The following EFHB variants were observed in gnomAD, a reference collection of about 807,000 sequenced individuals.
The protein encoded by EFHB is EF-hand domain-containing family member B.
Under a neutral mutation model 87.2 loss-of-function variants are expected in EFHB, and 91 were observed. The observed-to-expected ratio is 1.04, with a 90% CI of 0.88 to 1.24. The LOEUF (loss-of-function observed/expected upper bound fraction) is 1.24, where lower values mean the gene tolerates loss of function less well. EFHB is among the 50% of genes most tolerant of loss of function. The pLI is 0.00. For synonymous variants in EFHB, 325 were observed against 333.6 expected (o/e 0.97, Z 0.28); for missense variants, 1,084 against 998.8 (o/e 1.09, Z -1.15).
In EFHB at chr3:19,940,191, C is replaced by T. The variant is rs530283060; in HGVS notation, c.-31-3857G>A. 3.3e-4 allele frequency: 52 copies of T among 156,122 alleles called. 1 individual carries two copies. The South Asian group carries it at 0.01, about 30-fold the overall frequency. The allele number at this position is 156,122 out of a possible 1,614,324, so 9.7% of individuals were successfully genotyped here. Reference sequence around the variant, plus strand: ...GATCAAAAAAGAAAAAAAACTGCCACAGAATTTGCTACATATTTGGGTCCT... The same window carrying T: ...GATCAAAAAAGAAAAAAAACTGCCATAGAATTTGCTACATATTTGGGTCCT... On this transcript the variant is annotated intron_variant, in intron 1 of 14. Coordinates refer to the EFHB transcript ENST00000344838.
At position 19,882,553 on chromosome 3, in the gene EFHB, T is replaced by G. The variant is rs771001144; in HGVS notation, c.2325A>C (p.Glu775Asp). The G allele has an allele frequency of 6.3e-7, 1 of 1,596,398 alleles. No individual in the cohort carries two copies. Among genetic ancestry groups the G allele is most frequent in the Non-Finnish European group, 8.6e-7 (1 of 1,169,424 alleles). ...TTTGTATGCTTATATGCTATACCTC[T>G]TCTTTTGATCTGGTCTTGAAGAAGT... is the stretch of plus-strand genomic sequence containing the variant. ...ERDFFKTRSK[E>D]EIAEILCNIG... The change falls in exon 12 of 13, where the codon GAA (glutamate) becomes GAC (aspartate). Residue 775 changes from glutamate (E) to aspartate (D), a missense_variant. By Grantham distance (45) the Glu-to-Asp change is conservative. Transcript: ENST00000295824.
At chr3:19,940,346 C>G (rs1696128371) in intron 1 of EFHB, 2 of 358,556 alleles carry the variant, frequency 5.6e-6, no homozygotes, top group Admixed American at 7.1e-5. Context: ...ATTCCTCCTG[C>G]ACTCTGCTAG....
upstream of EFHB, among the ~76,000 whole-genome samples, chr3:19,935,882 C>T (rs1439182645): frequency 6.6e-5 from 10 of 151,554 alleles, no homozygotes; most frequent in Middle Eastern, 0.01. Context: ...TGATGGCAGG[C>T]GCCTGTAGTC....
At chr3:19,923,237 A>G (rs1695499694) in intron 1 of EFHB, among the ~76,000 whole-genome samples, 2 of 151,890 alleles carry the variant, frequency 1.3e-5, no homozygotes, top group Admixed American at 1.3e-4. Context: ...ACTGCACTCC[A>G]GCCTGGGCAA....
Position 19,898,817 on chromosome 3 carries a change from C to A in EFHB, c.1531G>T (p.Asp511Tyr), listed in dbSNP as rs1694571019. The A allele has an allele frequency of 6.2e-7, 1 of 1,613,764 alleles. No individual in the cohort carries two copies. Among genetic ancestry groups the A allele is most frequent in the Middle Eastern group, 1.7e-4 (1 of 6,060 alleles). ...PIAETMNVPP[D>Y]CTFGACLRPE... ...CGGAGACAAGCTCCAAATGTGCAGT[C>A]TGGGGGAACATTCATTGTTTCTGCA... Residue 511 changes from aspartate to tyrosine, a missense_variant, in exon 8 of 13, where the codon GAC becomes TAC. Transcript: ENST00000295824.
upstream of EFHB, among the ~76,000 whole-genome samples, chr3:19,938,315 T>C (rs985247697): frequency 7.9e-5 from 12 of 152,240 alleles, no homozygotes; most frequent in African/African-American, 2.4e-4. Context: ...CTTAAGACGC[T>C]TGCATTTACT....
At chr3:19,935,038 G>A (rs1206276755), upstream of EFHB, among the ~76,000 whole-genome samples, 1 of 152,062 alleles carries the variant, frequency 6.6e-6, no homozygotes, top group Non-Finnish European at 1.5e-5. Context: ...AGCCTTCCGG[G>A]TAGCTGGGAT....
Position 19,908,601 on chromosome 3 carries a change from A to AG in EFHB, c.1289-2853_1289-2852insC, listed in dbSNP as rs1575020340. 6.8e-3 allele frequency among the ~76,000 whole-genome samples: 683 copies of AG among 100,258 alleles called. 7 individuals are homozygous for AG. The highest frequency in any genetic ancestry group is 0.019 in the Middle Eastern group (4 of 208). 65.8% of individuals were successfully genotyped at this position (100,258 alleles called of 152,430 possible). On this transcript the variant is annotated intron_variant, in intron 5 of 12. Transcript: ENST00000295824. ...GAGAGAGAGAGAGAGAGAGAGAGAG[A>AG]AAGAAAGAAAGAAAGAAAGAAAGAA...
At position 19,908,562 on chromosome 3, in the gene EFHB, AAGAGAGAGAGAGAGAGAGAG is replaced by A. The variant is rs71624361; in HGVS notation, c.1289-2833_1289-2814del. The stretch of plus-strand genomic sequence containing the variant: ...AAAGAAAGAAAGAGAGAAAGAGAGA[AAGAGAGAGAGAGAGAGAGAG>A]AGAGAGAGAGAGAGAGAGAAAGAAA... On this transcript the variant is annotated intron_variant, in intron 5 of 12. Transcript: ENST00000295824. Among the ~76,000 whole-genome samples the A allele has an allele frequency of 3.8e-3, 318 of 83,896 alleles. 2 individuals are homozygous for A. The highest frequency in any genetic ancestry group is 0.014 in the African/African-American group (287 of 20,594). The allele number at this position is 83,896 out of a possible 152,430, so 55.0% of individuals were successfully genotyped here.
intron 1 of EFHB, among the ~76,000 whole-genome samples, chr3:19,940,095 ACTT>A (rs1696122335): frequency 6.6e-6 from 1 of 152,182 alleles, no homozygotes; most frequent in Non-Finnish European, 1.5e-5. Flanking sequence ...CTTTCTATGT[ACTT>A]CTTTTTTTAT....
chr3:19,943,525 C>T (rs1421588825), intron 1 of EFHB, among the ~76,000 whole-genome samples: 1 of 151,480 alleles, frequency 6.6e-6, no homozygotes, highest in African/African-American at 2.4e-5. Flanking sequence ...TACAGTTAGC[C>T]CTCTGTATTC....
upstream of EFHB, chr3:19,936,116 T>C: frequency 7.1e-7 from 1 of 1,413,358 alleles, no homozygotes; most frequent in Non-Finnish European, 9.2e-7. Context: ...TAAAAGTGTG[T>C]AGGGGTCTGG....
chr3:19,893,677 AGAAATCTATTG>A (rs754813522), intron 9 of EFHB, among the ~76,000 whole-genome samples: 7 of 152,336 alleles, frequency 4.6e-5, no homozygotes, highest in Middle Eastern at 3.4e-3. Flanking sequence ...AACTTTACCA[AGAAATCTATTG>A]GAAACAGCAG....
chr3:19,879,771 G>A lies in EFHB; in HGVS notation c.2362C>T (p.Leu788=). ...AEILCNIGVK[L]SDEEFENVWN... Reference sequence around the variant, plus strand: ...ACATTTTCAAATTCTTCATCAGACAGTTTGACACCAATGTTACACAATATC... The same window carrying A: ...ACATTTTCAAATTCTTCATCAGACAATTTGACACCAATGTTACACAATATC... The change falls in exon 13 of 13, where the codon CTG becomes TTG. Residue 788 remains leucine (L), a synonymous_variant. Coordinates refer to ENST00000295824, the MANE Select transcript of EFHB (RefSeq NM_144715.4). 1 of 1,606,642 alleles carries A rather than the reference G, an allele frequency of 6.2e-7. No individual in the cohort carries two copies. Among genetic ancestry groups the A allele is most frequent in the South Asian group, 1.1e-5 (1 of 89,244 alleles).
intron 10 of EFHB, among the ~76,000 whole-genome samples, chr3:19,886,676 CAAAAAAAAAAAA>C (rs4020648): frequency 1.6e-5 from 1 of 61,230 alleles, no homozygotes; most frequent in African/African-American, 6.4e-5. Context: ...GACACTGTCT[CAAAAAAAAAAAA>C]AAAAAAAAAA....
At chr3:19,927,142 C>T (rs1695659666) in intron 1 of EFHB, among the ~76,000 whole-genome samples, 1 of 152,190 alleles carries the variant, frequency 6.6e-6, no homozygotes, top group Non-Finnish European at 1.5e-5. Context: ...GGCTCAATAT[C>T]ATTTACCAAT....
At chr3:19,928,548 G>C (rs1695712506) in intron 1 of EFHB, among the ~76,000 whole-genome samples, 1 of 152,182 alleles carries the variant, frequency 6.6e-6, no homozygotes, top group African/African-American at 2.4e-5. Context: ...AGGCTCAAGT[G>C]ATTCTCCTGC....
intron 12 of EFHB, among the ~76,000 whole-genome samples, chr3:19,880,384 G>T (rs935212903): frequency 1.3e-5 from 2 of 151,926 alleles, no homozygotes; most frequent in Non-Finnish European, 2.9e-5. Context: ...TGAGTAGCTG[G>T]GATTACAGGT....
chr3:19,915,159 T>C, intron 5 of EFHB, 144 bp downstream of exon 5: 1 of 553,382 alleles, frequency 1.8e-6, no homozygotes, highest in Non-Finnish European at 3.2e-6. Flanking sequence ...CCAGCTATCA[T>C]GGTTTATGAC....
Sources: gnomAD v4.1 joint callset for allele counts (sites outside exome capture counted in the v4.1 genomes callset) on GRCh38, gnomAD v4.1.1 for gene constraint, MANE v1.5 for transcripts, NCBI Gene and HGNC (gene_info 2026-07-23, HGNC 2026-07-21) for gene names.